Variants in SYCP2 observed in about 807,000 individuals in gnomAD.
SYCP2 encodes synaptonemal complex protein 2, also known as synaptonemal complex lateral element protein.
SYCP2 carries 55 observed loss-of-function variants against 211.3 expected under a neutral mutation model. The observed-to-expected ratio is 0.26, with a 90% confidence interval of 0.21 to 0.33. The LOEUF is 0.33. SYCP2 is among the 10% of genes least tolerant of loss of function. SYCP2 has a pLI of 1.00. For synonymous variants in SYCP2, 570 were observed against 555.2 expected (o/e 1.03, Z -0.37); for missense variants, 1,731 against 1,752.0 (o/e 0.99, Z 0.21).
intron 8 of SYCP2, 33 bp from the exon 9 acceptor site, chr20:59,915,583 TACA>T: frequency 7.8e-7 from 1 of 1,283,236 alleles, no homozygotes; most frequent in Non-Finnish European, 1.1e-6. Context: ...GCATTAACTT[TACA>T]TTCAGTGAAA....
chr20:59,929,868 T>C (rs2060702778), intron 2 of SYCP2, among the ~76,000 whole-genome samples: 1 of 152,028 alleles, frequency 6.6e-6, no homozygotes, highest in African/African-American at 2.4e-5. Flanking sequence ...TAATTATTTA[T>C]TTAGAGGAGT....
Position 59,869,982 on chromosome 20 carries a change from G to T in SYCP2, c.3557C>A (p.Pro1186His). The stretch of plus-strand genomic sequence containing the variant: ...ATTACTCTTAGTTGGAGTATGTCTG[G>T]GCTATGAATGAAGACATACAAAAAC... ...CSPIPRPLFLPRHTPTKSNTI... is the reference protein window; with the variant it reads ...CSPIPRPLFLHRHTPTKSNTI... The change falls in exon 36 of 45, where the codon CCC becomes CAC. Residue 1186 changes from proline (P) to histidine (H), a missense_variant and splice_region_variant. By Grantham distance (77) the Pro-to-His change is moderately conservative. Around this residue, in one of 3 missense-constraint regions of SYCP2, gnomAD observed 1,387 missense variants for 1,351.3 expected, o/e 1.03. Coordinates refer to ENST00000357552, the MANE Select transcript of SYCP2 (RefSeq NM_014258.4). 1.3e-6 allele frequency: 2 copies of T among 1,568,936 alleles called. No individual in the cohort carries two copies. Among genetic ancestry groups the T allele is most frequent in the South Asian group, 1.2e-5 (1 of 83,954 alleles).
chr20:59,932,028 GAAT>G (rs775362276), intron 2 of SYCP2, 31 bp downstream of exon 2: 2 of 152,176 alleles, frequency 1.3e-5, no homozygotes, highest in Non-Finnish European at 2.9e-5. Context: ...ACCGAGAACA[GAAT>G]AATAATGTTT....
intron 24 of SYCP2, 40 bp downstream of exon 24, chr20:59,891,950 C>A (rs1398751332): frequency 6.7e-7 from 1 of 1,496,662 alleles, no homozygotes; most frequent in Admixed American, 2.3e-5. Flanking sequence ...AAGTAGGCAT[C>A]TTATGGATAT....
At chr20:59,879,855 A>G (rs1299326900) in intron 31 of SYCP2, among the ~76,000 whole-genome samples, 1 of 131,516 alleles carries the variant, frequency 7.6e-6, no homozygotes, top group Non-Finnish European at 1.6e-5. Flanking sequence ...ATATATATAT[A>G]TATATATACA....
chr20:59,882,227 C>A, intron 26 of SYCP2, 62 bp from the exon 27 acceptor site: 1 of 1,169,030 alleles, frequency 8.6e-7, no homozygotes, highest in Non-Finnish European at 1.3e-6. Context: ...AAATGCTCAA[C>A]AGCACTAATC....
chr20:59,888,755 G>T (rs2059845510), intron 24 of SYCP2, among the ~76,000 whole-genome samples: 1 of 151,990 alleles, frequency 6.6e-6, no homozygotes, highest in African/African-American at 2.4e-5. Context: ...CAAAGAATTA[G>T]CAACAAAACT....
intron 20 of SYCP2, among the ~76,000 whole-genome samples, 178 bp from the exon 21 acceptor site, chr20:59,893,771 A>C (rs1600883591): frequency 1.3e-5 from 2 of 152,148 alleles, no homozygotes; most frequent in South Asian, 4.1e-4. Context: ...ATCCTGAAAC[A>C]CAAGAAGAAA....
intron 18 of SYCP2, among the ~76,000 whole-genome samples, chr20:59,899,741 G>A (rs1265458073): frequency 6.6e-6 from 1 of 152,000 alleles, no homozygotes; most frequent in Non-Finnish European, 1.5e-5. Context: ...CCTAGAGGAG[G>A]TCCTTCAATG....
rs1254050056 is a variant in SYCP2 at position 59,866,600 on chromosome 20, C to T, written c.4126-11G>A. 1.9e-6 allele frequency: 3 copies of T among 1,553,334 alleles called. No homozygotes were observed. The African/African-American group carries it at 4.2e-5, about 22-fold the overall frequency. ...CATTTTATGTCGGATCTGAAAAATA[C>T]TCATTTTTAAGTTAAAATATCTTTA... On this transcript the variant is annotated splice_polypyrimidine_tract_variant and intron_variant, in intron 39 of 44. Transcript: ENST00000357552.
Position 59,921,359 on chromosome 20 carries a change from A to G in SYCP2, c.119T>C (p.Ile40Thr). ...GTGGAAAAACTGTTTGCTGCATTTA[A>G]TCTTCACATCTTCACAAATATCAAT... is the stretch of plus-strand genomic sequence containing the variant. ...LQIDICEDVK[I>T]KCSKQFFHKV... The change falls in exon 4 of 45, where the codon ATT becomes ACT. Residue 40 changes from isoleucine to threonine, a missense_variant. By Grantham distance (89) the Ile-to-Thr change is moderately conservative. Transcript: ENST00000357552. 1.2e-6 allele frequency: 2 copies of G among 1,607,270 alleles called. No homozygotes were observed. Among genetic ancestry groups the G allele is most frequent in the Non-Finnish European group, 1.7e-6 (2 of 1,176,154 alleles).
intron 26 of SYCP2, among the ~76,000 whole-genome samples, chr20:59,882,806 G>A (rs981499466): frequency 4.6e-5 from 7 of 151,770 alleles, no homozygotes; most frequent in African/African-American, 1.7e-4. Context: ...GGGGAACTAA[G>A]GGATTAAAAA....
rs561224878 is a variant in SYCP2, at chr20:59,898,014, G to C, written c.1405-1486C>G. Among the ~76,000 whole-genome samples, 3 of 152,202 alleles carry C rather than the reference G, an allele frequency of 2.0e-5. No homozygotes were observed. The East Asian group carries it at 5.8e-4, about 29-fold the overall frequency. On this transcript the variant is annotated intron_variant, in intron 18 of 44. Coordinates refer to ENST00000357552, the MANE Select transcript of SYCP2 (RefSeq NM_014258.4). ...AGCTCCTTGGGAATCTGAGGCAGGA[G>C]AATCACTTGAACCCAAGAAGCAGAG...
intron 2 of SYCP2, among the ~76,000 whole-genome samples, chr20:59,925,384 A>T (rs1462045247): frequency 1.3e-5 from 2 of 152,082 alleles, no homozygotes; most frequent in Admixed American, 1.3e-4. Flanking sequence ...GATTTTCTCA[A>T]TCCATGAGCA....
chr20:59,910,355 T>C (rs1255492808), intron 14 of SYCP2, among the ~76,000 whole-genome samples: 6 of 151,042 alleles, frequency 4.0e-5, no homozygotes, highest in Non-Finnish European at 8.9e-5. Flanking sequence ...TCATGTATAC[T>C]GCTATAGTGT....
chr20:59,924,854 G>A (rs969766697), intron 2 of SYCP2, among the ~76,000 whole-genome samples: 10 of 151,938 alleles, frequency 6.6e-5, no homozygotes, highest in African/African-American at 2.4e-4. Flanking sequence ...CTATACACAT[G>A]ACTTGACTTA....
At chr20:59,881,409 A>C in intron 29 of SYCP2, 28 bp downstream of exon 29, 1 of 1,253,856 alleles carries the variant, frequency 8.0e-7, no homozygotes, top group Middle Eastern at 2.3e-4. Context: ...AAAAGATCAG[A>C]ATATTTTAAT....
At chr20:59,900,099 TG>T in intron 18 of SYCP2, 38 bp downstream of exon 18, 1 of 1,596,494 alleles carries the variant, frequency 6.3e-7, no homozygotes, top group Admixed American at 1.7e-5. Flanking sequence ...ATTTGATCAA[TG>T]GTAGTTTTAT....
intron 30 of SYCP2, among the ~76,000 whole-genome samples, 197 bp from the exon 31 acceptor site, chr20:59,880,668 GATA>G (rs914161098): frequency 1.1e-4 from 16 of 151,776 alleles, no homozygotes; most frequent in African/African-American, 3.9e-4. Context: ...AACCAGATCA[GATA>G]ATGATATTTG....
Sources: gnomAD v4.1 joint callset for allele counts (sites outside exome capture counted in the v4.1 genomes callset) on GRCh38, gnomAD v4.1.1 for gene constraint, gnomAD v4.1.1 regional missense constraint, MANE v1.5 for transcripts, NCBI Gene and HGNC (gene_info 2026-07-23, HGNC 2026-07-21) for gene names.